CARMIL3: variants seen among roughly 807,000 people sequenced by gnomAD.
CARMIL3 encodes the protein capping protein regulator and myosin 1 linker 3.
Under a neutral mutation model 180.8 loss-of-function variants are expected in CARMIL3, and 88 were observed. That is an observed-to-expected ratio of 0.49 (90% CI 0.41 to 0.58). CARMIL3 has a LOEUF of 0.58. CARMIL3 is among the 20% of genes least tolerant of loss of function. The probability of loss-of-function intolerance (pLI) is 0.00; values close to 1 mark genes in which losing one functional copy is unlikely to be tolerated. For synonymous variants in CARMIL3, 696 were observed against 714.5 expected (o/e 0.97, Z 0.41); for missense variants, 1,548 against 1,787.0 (o/e 0.87, Z 2.41).
intron 36 of CARMIL3, among the ~76,000 whole-genome samples, chr14:24,068,335 T>C (rs2035811901): frequency 6.8e-6 from 1 of 147,746 alleles, no homozygotes; most frequent in African/African-American, 2.5e-5. Context: ...AGGTGGAGGT[T>C]GCAGTGAGCC....
chr14:24,065,642 A>AG lies in CARMIL3; in HGVS notation c.3421dup (p.Glu1141GlyfsTer89), dbSNP rs765680127. On this transcript the variant is annotated frameshift_variant, in exon 34 of 40. Coordinates refer to ENST00000342740, the MANE Select transcript of CARMIL3 (RefSeq NM_138360.4). LOFTEE classifies it high-confidence loss of function. ...TCTAGGGCACTGAGGGGTCAGAGCC[A>AG]GGGGAGGGGGGCCCAGCCCCTGGGA... 1.2e-5 allele frequency: 19 copies of AG among 1,612,852 alleles called. No individual in the cohort carries two copies. Among genetic ancestry groups the AG allele is most frequent in the Non-Finnish European group, 1.6e-5 (19 of 1,179,456 alleles).
intron 33 of CARMIL3, 150 bp downstream of exon 33, chr14:24,065,423 G>T (rs1594554389): frequency 1.9e-6 from 2 of 1,063,376 alleles, no homozygotes; most frequent in Admixed American, 3.0e-5. Flanking sequence ...CTTGAGAGTG[G>T]ACTAAGACCC....
At chr14:24,053,578 C>A in intron 1 of CARMIL3, 131 bp from the exon 2 acceptor site, 1 of 639,044 alleles carries the variant, frequency 1.6e-6, no homozygotes, top group East Asian at 2.8e-5. Flanking sequence ...CTGTCCCTGT[C>A]CTCCCTTCTT....
At chr14:24,066,000 GT>G (rs1249219143) in intron 34 of CARMIL3, among the ~76,000 whole-genome samples, 2 of 140,284 alleles carry the variant, frequency 1.4e-5, no homozygotes, top group African/African-American at 5.2e-5. Context: ...CTAGAGCTCT[GT>G]TTCCCAAACA....
At chr14:24,069,000 C>G (rs756310553) in intron 38 of CARMIL3, 34 bp downstream of exon 38, 3 of 1,540,874 alleles carry the variant, frequency 1.9e-6, no homozygotes, top group African/African-American at 1.4e-5. Flanking sequence ...GGGCTCAGGG[C>G]ACCTCTAGGA....
At chr14:24,053,903 T>C in intron 2 of CARMIL3, 100 bp downstream of exon 2, 1 of 1,229,264 alleles carries the variant, frequency 8.1e-7, no homozygotes, top group South Asian at 1.4e-5. Flanking sequence ...CAGAAGTGGG[T>C]GGACACTGAG....
At position 24,054,277 on chromosome 14, in the gene CARMIL3, C is replaced by T. The variant is rs2035649618; in HGVS notation, c.222C>T (p.Ala74=). The T allele has an allele frequency of 6.2e-7, 1 of 1,614,094 alleles. No individual in the cohort carries two copies. Among genetic ancestry groups the T allele is most frequent in the South Asian group, 1.1e-5 (1 of 91,094 alleles). ...CCTTCAATGTCCTGGAGATCCGTGC[C>T]TTCAACACGCTCAGTCAGAATCAGG... is the stretch of plus-strand genomic sequence containing the variant. ...ESSFNVLEIR[A]FNTLSQNQIL... Residue 74 remains alanine, a synonymous_variant, in exon 4 of 40, where the codon GCC becomes GCT. Transcript: ENST00000342740. This position sits in a 1 kb window ranked among gnomAD's most constrained non-coding sequence, Gnocchi z 5.1.
Position 24,058,828 on chromosome 14 carries a change from C to T in CARMIL3, c.1475-62C>T. 2 of 1,611,666 alleles carry T rather than the reference C, an allele frequency of 1.2e-6. No homozygotes were observed. Among genetic ancestry groups the T allele is most frequent in the Non-Finnish European group, 1.7e-6 (2 of 1,177,852 alleles). Reference sequence around the variant, plus strand: ...AGGGGCCTGGAGCATGCAGAAGCAGCCCTGATGGGACACCAGTCAGCCTCA... The same window carrying T: ...AGGGGCCTGGAGCATGCAGAAGCAGTCCTGATGGGACACCAGTCAGCCTCA... On this transcript the variant is annotated intron_variant, in intron 18 of 39. Coordinates refer to ENST00000342740, the MANE Select transcript of CARMIL3 (RefSeq NM_138360.4). The surrounding 1 kb of genome is among the most constrained non-coding windows in gnomAD (Gnocchi z 6.4).
chr14:24,054,188 C>T lies in CARMIL3; in HGVS notation c.186+50C>T, dbSNP rs2035648387. 1.9e-6 allele frequency: 3 copies of T among 1,613,976 alleles called. No individual in the cohort carries two copies. Among genetic ancestry groups the T allele is most frequent in the Non-Finnish European group, 2.5e-6 (3 of 1,179,946 alleles). ...AGCACCTGGCATGCTCCCTACCTCC[C>T]AAGCCTGGCAACCCAGGTCCTTACC... On this transcript the variant is annotated intron_variant, in intron 3 of 39. Transcript: ENST00000342740. This position sits in a 1 kb window ranked among gnomAD's most constrained non-coding sequence, Gnocchi z 5.1.
In CARMIL3 at chr14:24,069,341, G is replaced by T. The variant is rs200003612; in HGVS notation, c.4094-38G>T. 1.2e-5 allele frequency: 20 copies of T among 1,614,098 alleles called. No individual in the cohort carries two copies. The African/African-American group carries it at 2.4e-4, about 19-fold the overall frequency. On this transcript the variant is annotated intron_variant, in intron 39 of 39. Coordinates refer to ENST00000342740, the MANE Select transcript of CARMIL3 (RefSeq NM_138360.4). Reference sequence around the variant, plus strand: ...CAACACCAGGTGGCTGGCTGTCCCTGCCCAGGAAACAGGGCTCCCTGGATT... The same window carrying T: ...CAACACCAGGTGGCTGGCTGTCCCTTCCCAGGAAACAGGGCTCCCTGGATT...
rs1391580762 is a variant in CARMIL3 at position 24,056,373 on chromosome 14, A to G, written c.845A>G (p.His282Arg). Residue 282 changes from histidine (H) to arginine (R), a missense_variant, in exon 11 of 40, where the codon CAC becomes CGC. Coordinates refer to ENST00000342740, the MANE Select transcript of CARMIL3 (RefSeq NM_138360.4). ...SCVLHALTLS[H>R]NPIEDKGFLS... ...GTGCTGCATGCCCTCACTCTGTCCC[A>G]CAACCCCATCGAGGACAAGGGTGAG... The G allele has an allele frequency of 6.2e-7, 1 of 1,613,628 alleles. No homozygotes were observed. The highest frequency in any genetic ancestry group is 8.5e-7 in the Non-Finnish European group (1 of 1,179,726).
intron 34 of CARMIL3, among the ~76,000 whole-genome samples, chr14:24,066,193 T>C (rs756000402): frequency 1.3e-5 from 2 of 152,060 alleles, no homozygotes; most frequent in African/African-American, 2.4e-5. Flanking sequence ...CATATGTAAC[T>C]ATAAAGATGG....
rs947471168 is a variant in CARMIL3, at chr14:24,065,883, C to T, written c.3525+133C>T. 1.6e-5 allele frequency: 20 copies of T among 1,286,812 alleles called. No homozygotes were observed. The African/African-American group carries it at 2.7e-4, about 17-fold the overall frequency. The allele number at this position is 1,286,812 out of a possible 1,614,324, so 79.7% of individuals were successfully genotyped here. On this transcript the variant is annotated intron_variant, in intron 34 of 39. Transcript: ENST00000342740. ...TTGGCATTAGAAGATGTTAGCTGCT[C>T]TTCAGCCCCCACCACACACTTGCCG...
In CARMIL3 at chr14:24,060,270, C is replaced by G. The variant is rs2035719420; in HGVS notation, c.2061+15C>G. The G allele has an allele frequency of 6.2e-7, 1 of 1,612,752 alleles. No individual in the cohort carries two copies. The highest frequency in any genetic ancestry group is 8.5e-7 in the Non-Finnish European group (1 of 1,178,978). The stretch of plus-strand genomic sequence containing the variant: ...GCGCCGAGCAAGTAAACGTTTCCCT[C>G]TGGGACACGGGGCATACCCGGGGCA... On this transcript the variant is annotated intron_variant, in intron 24 of 39. Transcript: ENST00000342740.
In CARMIL3 at chr14:24,062,689, T is replaced by G. The variant is rs772600937; in HGVS notation, c.2569-20T>G. On this transcript the variant is annotated intron_variant, in intron 28 of 39. Coordinates refer to ENST00000342740, the MANE Select transcript of CARMIL3 (RefSeq NM_138360.4). ...GTGGGCAGCTTCCATGGAATTCTGT[T>G]CACACCTGCCCTTCCCCAGGCCCGG... The G allele has an allele frequency of 6.2e-7, 1 of 1,609,394 alleles. No individual in the cohort carries two copies. The highest frequency in any genetic ancestry group is 8.5e-7 in the Non-Finnish European group (1 of 1,177,154).
At position 24,061,087 on chromosome 14, in the gene CARMIL3, A is replaced by T; in HGVS notation, c.2304+47A>T. 1 of 1,499,142 alleles carries T rather than the reference A, an allele frequency of 6.7e-7. No homozygotes were observed. Among genetic ancestry groups the T allele is most frequent in the Non-Finnish European group, 9.1e-7 (1 of 1,100,706 alleles). 92.9% of individuals were successfully genotyped at this position (1,499,142 alleles called of 1,614,324 possible). ...AATCCATGGTGGGAACCTAGTGTTG[A>T]CTGAGGCCCTAAGCCCAGAGCTAAA... is the stretch of plus-strand genomic sequence containing the variant. On this transcript the variant is annotated intron_variant, in intron 26 of 39. Coordinates refer to ENST00000342740, the MANE Select transcript of CARMIL3 (RefSeq NM_138360.4). The surrounding 1 kb of genome is among the most constrained non-coding windows in gnomAD (Gnocchi z 4.1).
intron 10 of CARMIL3, 79 bp from the exon 11 acceptor site, chr14:24,056,220 A>T: frequency 8.6e-7 from 1 of 1,166,002 alleles, no homozygotes; most frequent in Non-Finnish European, 1.2e-6. Flanking sequence ...CCAGGCAGTC[A>T]GGTAGAGGAG....
Position 24,053,695 on chromosome 14 carries a change from C to A in CARMIL3, c.41-14C>A. ...GTAAGGTGAAGCTCTGAGCAGGCTC[C>A]CACCCCCCCTCAGACAGCATCCGGA... On this transcript the variant is annotated splice_polypyrimidine_tract_variant and intron_variant, in intron 1 of 39. Coordinates refer to ENST00000342740, the MANE Select transcript of CARMIL3 (RefSeq NM_138360.4). 1 of 1,597,550 alleles carries A rather than the reference C, an allele frequency of 6.3e-7. No homozygotes were observed.
At position 24,059,506 on chromosome 14, in the gene CARMIL3, C is replaced by G. The variant is rs958848363; in HGVS notation, c.1799+64C>G. 4 of 1,532,718 alleles carry G rather than the reference C, an allele frequency of 2.6e-6. No individual in the cohort carries two copies. The Admixed American group carries it at 7.9e-5, about 30-fold the overall frequency. 94.9% of individuals were successfully genotyped at this position (1,532,718 alleles called of 1,614,324 possible). A position where few individuals can be genotyped will look rare whatever the true frequency, so the allele number is the denominator to read the frequency against. On this transcript the variant is annotated intron_variant, in intron 21 of 39. Coordinates refer to ENST00000342740, the MANE Select transcript of CARMIL3 (RefSeq NM_138360.4). The surrounding 1 kb of genome is among the most constrained non-coding windows in gnomAD (Gnocchi z 6.3). Reference sequence around the variant, plus strand: ...GCCCCTCCCCATATGTACATAATCTCCCTGCTTTCCTTGATGCTCTGGACC... The same window carrying G: ...GCCCCTCCCCATATGTACATAATCTGCCTGCTTTCCTTGATGCTCTGGACC...
Sources: gnomAD v4.1 joint callset for allele counts (sites outside exome capture counted in the v4.1 genomes callset) on GRCh38, gnomAD v4.1.1 for gene constraint, Gnocchi (gnomAD v3.1) non-coding constraint, MANE v1.5 for transcripts, NCBI Gene and HGNC (gene_info 2026-07-23, HGNC 2026-07-21) for gene names.